The following NFIA variants were observed in gnomAD, a reference collection of about 807,000 sequenced individuals.
NFIA encodes nuclear factor 1 A-type.
Under a neutral mutation model 62.8 loss-of-function variants are expected in NFIA, and 8 were observed. The ratio of observed to expected loss-of-function variants is 0.13; its 90% CI spans 0.07 to 0.23. The LOEUF is 0.23. Ranked by LOEUF, NFIA falls within the 10% of genes least tolerant of loss-of-function variation. The pLI is 1.00. For missense variants in NFIA, 410 were observed against 642.1 expected, an observed-to-expected ratio of 0.64 and a Z score of 3.91; for synonymous variants, 235 against 238.1, an observed-to-expected ratio of 0.99 and a Z score of 0.12.
chr1:61,355,223 T>TA (rs1491179178), intron 5 of NFIA, among the ~76,000 whole-genome samples: 1 of 89,088 alleles, frequency 1.1e-5, no homozygotes, highest in Non-Finnish European at 2.6e-5. Context: ...GTGTAGATCT[T>TA]ACAGATACTT....
At chr1:61,189,582 T>C (rs1651465615) in intron 2 of NFIA, among the ~76,000 whole-genome samples, 1 of 152,072 alleles carries the variant, frequency 6.6e-6, no homozygotes, top group African/African-American at 2.4e-5. Context: ...GGGGAATTGC[T>C]TGAAACTGGG....
At chr1:61,325,039 C>T (rs1660858373) in intron 3 of NFIA, among the ~76,000 whole-genome samples, 2 of 152,190 alleles carry the variant, frequency 1.3e-5, no homozygotes. Context: ...TGCTCCTGAA[C>T]AGTAGTACAG....
intron 3 of NFIA, among the ~76,000 whole-genome samples, chr1:61,280,701 TA>T (rs1304035753): frequency 6.6e-6 from 1 of 152,210 alleles, no homozygotes; most frequent in Non-Finnish European, 1.5e-5. Flanking sequence ...TCTTTTCTTG[TA>T]CTCCCTTAAG....
At position 61,420,146 on chromosome 1, in the gene NFIA, A is replaced by G. The variant is rs181561064; in HGVS notation, c.1421-6319A>G. ...AAAAGGCTGTTTCTCTAGCTATCTA[A>G]TAATATTACTAATACTAACCCAGGC... On this transcript the variant is annotated intron_variant, in intron 9 of 10. Transcript: ENST00000403491. 2.7e-4 allele frequency among the ~76,000 whole-genome samples: 41 copies of G among 152,330 alleles called. No homozygotes were observed. The East Asian group carries it at 7.1e-3, about 26-fold the overall frequency.
At chr1:61,453,209 G>A (rs955907240) in intron 10 of NFIA, among the ~76,000 whole-genome samples, 1 of 152,132 alleles carries the variant, frequency 6.6e-6, no homozygotes, top group Admixed American at 6.5e-5. Flanking sequence ...CTGGAAGGTT[G>A]GTGGGAGGAG....
intron 3 of NFIA, among the ~76,000 whole-genome samples, chr1:61,305,026 G>A (rs1659690592): frequency 6.6e-6 from 1 of 152,168 alleles, no homozygotes; most frequent in African/African-American, 2.4e-5. Flanking sequence ...TCAAGATGGA[G>A]ACTTACTGGT....
At chr1:61,243,813 A>C (rs905421175) in intron 2 of NFIA, among the ~76,000 whole-genome samples, 4 of 152,220 alleles carry the variant, frequency 2.6e-5, no homozygotes, top group Non-Finnish European at 5.9e-5. Flanking sequence ...ATTCTTGCTT[A>C]TATGAAAAAG....
intron 10 of NFIA, among the ~76,000 whole-genome samples, chr1:61,441,131 T>C (rs1018384121): frequency 2.0e-5 from 3 of 152,186 alleles, no homozygotes; most frequent in Admixed American, 6.5e-5. Context: ...TGGTTTAATA[T>C]GTGGCTTAGA....
chr1:61,359,406 T>G (rs1663162351), intron 6 of NFIA, 132 bp downstream of exon 6: 6 of 1,302,442 alleles, frequency 4.6e-6, no homozygotes, highest in Non-Finnish European at 6.3e-6. Context: ...AGCACTTGTT[T>G]GTATTGTAAT....
At chr1:61,261,048 GA>G (rs1656743138) in intron 2 of NFIA, among the ~76,000 whole-genome samples, 1 of 151,976 alleles carries the variant, frequency 6.6e-6, no homozygotes, top group Non-Finnish European at 1.5e-5. Flanking sequence ...CAATTCTTAG[GA>G]AAAAATGACT....
chr1:61,176,484 C>G (rs982266831), intron 2 of NFIA, among the ~76,000 whole-genome samples: 20 of 152,010 alleles, frequency 1.3e-4, no homozygotes, highest in Admixed American at 1.2e-3. Context: ...TTTAGCGTAC[C>G]AGAAGATAAA....
intron 4 of NFIA, among the ~76,000 whole-genome samples, chr1:61,347,260 G>A (rs978231465): frequency 3.0e-5 from 4 of 131,710 alleles, no homozygotes; most frequent in African/African-American, 8.7e-5. Flanking sequence ...TGTAAGCTCC[G>A]CCTCCTGGGT....
intron 2 of NFIA, among the ~76,000 whole-genome samples, chr1:61,199,647 G>A (rs928751957): frequency 1.3e-5 from 2 of 151,942 alleles, no homozygotes; most frequent in Non-Finnish European, 2.9e-5. Context: ...TATGTGGTGT[G>A]CTTCCAAGTG....
intron 6 of NFIA, among the ~76,000 whole-genome samples, chr1:61,368,118 T>A (rs765402757): frequency 4.6e-5 from 7 of 152,326 alleles, no homozygotes; most frequent in Non-Finnish European, 1.0e-4. Flanking sequence ...TTTCAGCTGG[T>A]CTTGTCTGAA....
intron 9 of NFIA, among the ~76,000 whole-genome samples, chr1:61,424,330 C>CA (rs1051524003): frequency 3.3e-5 from 5 of 151,830 alleles, no homozygotes; most frequent in South Asian, 4.2e-4. Flanking sequence ...GCTATCTTCA[C>CA]AAAAAATGAC....
At chr1:61,087,525 A>T (rs1646239499) in intron 1 of NFIA, among the ~76,000 whole-genome samples, 1 of 152,138 alleles carries the variant, frequency 6.6e-6, no homozygotes, top group Non-Finnish European at 1.5e-5. Context: ...CTAGTTTTTG[A>T]CTAAAAAAAT....
intron 6 of NFIA, among the ~76,000 whole-genome samples, chr1:61,366,747 A>AC (rs903471899): frequency 3.3e-5 from 5 of 152,112 alleles, no homozygotes; most frequent in African/African-American, 9.6e-5. Flanking sequence ...ACATGGTGAG[A>AC]CCCCATCTCT....
intron 2 of NFIA, among the ~76,000 whole-genome samples, chr1:61,212,238 C>T (rs1310057537): frequency 6.6e-6 from 1 of 152,164 alleles, no homozygotes; most frequent in Non-Finnish European, 1.5e-5. Flanking sequence ...TAACATTTCA[C>T]CTTTACTCCA....
chr1:61,113,409 A>G (rs576134878), intron 2 of NFIA, among the ~76,000 whole-genome samples: 1 of 152,206 alleles, frequency 6.6e-6, no homozygotes, highest in Non-Finnish European at 1.5e-5. Context: ...CCTGGCCAAC[A>G]TGGCAAAACC....
Sources: allele counts gnomAD v4.1 joint callset (sites outside exome capture counted in the v4.1 genomes callset), GRCh38; gene constraint gnomAD v4.1.1; transcripts MANE v1.5; gene names NCBI Gene and HGNC (gene_info 2026-07-23, HGNC 2026-07-21).